Variants in AP4S1 observed in about 807,000 individuals in gnomAD.
The protein encoded by AP4S1 is adaptor related protein complex 4 subunit sigma 1.
In AP4S1, 23 loss-of-function variants were observed where a neutral mutation model predicts 19.8. That is an observed-to-expected ratio of 1.16 (90% CI 0.84 to 1.65). The LOEUF is 1.65. AP4S1 is among the 40% of genes most tolerant of loss of function. The pLI, the probability that AP4S1 is intolerant of heterozygous loss-of-function variation, is 0.00. For missense variants in AP4S1, 166 were observed against 172.8 expected, an observed-to-expected ratio of 0.96 and a Z score of 0.22; for synonymous variants, 46 against 54.1, an observed-to-expected ratio of 0.85 and a Z score of 0.66.
intron 1 of AP4S1, among the ~76,000 whole-genome samples, chr14:31,045,082 A>G (rs1885317880): frequency 1.3e-5 from 2 of 151,604 alleles, no homozygotes; most frequent in Admixed American, 6.6e-5. Flanking sequence ...TTGTATTTTT[A>G]GTAGAGACGG....
intron 1 of AP4S1, among the ~76,000 whole-genome samples, chr14:31,045,231 A>T (rs1040452179): frequency 2.6e-5 from 4 of 152,152 alleles, no homozygotes; most frequent in Non-Finnish European, 5.9e-5. Context: ...AAACAACTTT[A>T]GGTATAATGT....
chr14:31,080,848 C>T (rs1022563948), intron 5 of AP4S1, among the ~76,000 whole-genome samples: 1 of 152,116 alleles, frequency 6.6e-6, no homozygotes, highest in African/African-American at 2.4e-5. Flanking sequence ...ATGGTGTAAT[C>T]TCTGCTCACT....
chr14:31,063,345 G>A lies in AP4S1; in HGVS notation c.-71-2781G>A, dbSNP rs554044095. The stretch of plus-strand genomic sequence containing the variant: ...CTCAGGAGGTCGAGGCTGGAGAATC[G>A]CTTGAACCCAGGAGGCAGAGGTTGC... On this transcript the variant is annotated intron_variant, in intron 1 of 5. Coordinates refer to ENST00000542754, the MANE Select transcript of AP4S1 (RefSeq NM_001128126.3). Among the ~76,000 whole-genome samples the A allele has an allele frequency of 1.7e-3, 252 of 152,164 alleles. 2 individuals are homozygous for A. The highest frequency in any genetic ancestry group is 5.9e-3 in the African/African-American group (244 of 41,522).
intron 1 of AP4S1, chr14:31,026,176 G>C (rs1319816204): frequency 6.8e-7 from 1 of 1,478,292 alleles, no homozygotes; most frequent in Non-Finnish European, 8.9e-7. Context: ...CCTCCGGCAA[G>C]CTCGTCCATT....
chr14:31,026,305 G>A, intron 1 of AP4S1: 1 of 1,126,396 alleles, frequency 8.9e-7, no homozygotes, highest in Non-Finnish European at 1.2e-6. Flanking sequence ...GCGGGGAAGG[G>A]GTCGTTGCTG....
intron 1 of AP4S1, among the ~76,000 whole-genome samples, chr14:31,034,468 T>G (rs7142931): frequency 0.23 from 35,602 of 151,894 alleles, 4,410 homozygotes; most frequent in Non-Finnish European, 0.26. Flanking sequence ...AGACTTTTTT[T>G]GGGGGGGAAA....
At chr14:31,087,631 A>G (rs1309587378) in intron 5 of AP4S1, among the ~76,000 whole-genome samples, 1 of 152,234 alleles carries the variant, frequency 6.6e-6, no homozygotes, top group Non-Finnish European at 1.5e-5. Context: ...TTGGGATTAC[A>G]GGTGTGAGCC....
intron 1 of AP4S1, among the ~76,000 whole-genome samples, chr14:31,060,712 T>C (rs1205672905): frequency 1.3e-5 from 2 of 152,206 alleles, no homozygotes; most frequent in African/African-American, 4.8e-5. Context: ...TATTGTGGTG[T>C]TCCCCAGCCT....
chr14:31,026,225 G>A, intron 1 of AP4S1: 1 of 1,379,512 alleles, frequency 7.2e-7, no homozygotes, highest in East Asian at 3.1e-5. Flanking sequence ...GCGAGACGCC[G>A]ACAGCTGGGG....
At chr14:31,074,326 A>G (rs1352059944) in intron 4 of AP4S1, among the ~76,000 whole-genome samples, 3 of 29,618 alleles carry the variant, frequency 1.0e-4, no homozygotes, top group Admixed American at 6.2e-4. Context: ...CTCCGTCTCA[A>G]ATAAATAAAT....
chr14:31,089,615 T>C (rs1435201827), intron 5 of AP4S1, among the ~76,000 whole-genome samples: 2 of 152,206 alleles, frequency 1.3e-5, no homozygotes, highest in Non-Finnish European at 2.9e-5. Context: ...TTTCCAGAGA[T>C]CAAAATTCCA....
chr14:31,041,338 G>C (rs11846285), intron 1 of AP4S1, among the ~76,000 whole-genome samples: 135,833 of 151,862 alleles, frequency 0.89, 60,883 homozygotes, highest in South Asian at 0.93. Flanking sequence ...TTAGTAGTGA[G>C]GGGGTTTCAC....
intron 3 of AP4S1, among the ~76,000 whole-genome samples, chr14:31,071,523 C>T (rs1010748772): frequency 2.0e-5 from 3 of 152,108 alleles, no homozygotes; most frequent in African/African-American, 7.2e-5. Flanking sequence ...TGGGTTCAAG[C>T]GATTCTCCTG....
chr14:31,034,609 ATTTTTTT>A (rs5807612), intron 1 of AP4S1, among the ~76,000 whole-genome samples: 1 of 103,954 alleles, frequency 9.6e-6, no homozygotes, highest in African/African-American at 3.9e-5. Context: ...TTTGTACTTA[ATTTTTTT>A]TTTTTTTTTT....
In AP4S1 at chr14:31,057,935, T is replaced by G. The variant is rs185431188; in HGVS notation, c.-71-8191T>G. On this transcript the variant is annotated intron_variant, in intron 1 of 5. Coordinates refer to ENST00000542754, the MANE Select transcript of AP4S1 (RefSeq NM_001128126.3). ...GAGCAACTGCACCCAGCCAGTTGTTTTTTTTTTTTTTAGAGATAGGGTCTC... is the reference window on the plus strand; with the variant it reads ...GAGCAACTGCACCCAGCCAGTTGTTGTTTTTTTTTTTAGAGATAGGGTCTC... Among the ~76,000 whole-genome samples the G allele has an allele frequency of 5.7e-3, 863 of 151,462 alleles. 4 individuals are homozygous for G. Among genetic ancestry groups the G allele is most frequent in the Admixed American group, 0.01 (152 of 15,200 alleles).
chr14:31,040,430 A>T (rs1430403932), intron 1 of AP4S1, among the ~76,000 whole-genome samples: 1 of 152,166 alleles, frequency 6.6e-6, no homozygotes, highest in East Asian at 1.9e-4. Context: ...GCTATAGGAA[A>T]CATAGGTAAA....
At chr14:31,074,966 TA>T (rs1390477581) in intron 4 of AP4S1, among the ~76,000 whole-genome samples, 1 of 152,220 alleles carries the variant, frequency 6.6e-6, no homozygotes, top group East Asian at 1.9e-4. Context: ...ATATAATGTA[TA>T]AAAACCAAAT....
At chr14:31,085,811 T>A (rs1887898270) in intron 5 of AP4S1, 2 of 982,216 alleles carry the variant, frequency 2.0e-6, no homozygotes, top group Non-Finnish European at 2.4e-6. Flanking sequence ...CATTCCTGTT[T>A]GTATTTTATA....
At chr14:31,059,381 A>G (rs1020886432) in intron 1 of AP4S1, among the ~76,000 whole-genome samples, 4 of 152,102 alleles carry the variant, frequency 2.6e-5, no homozygotes, top group Non-Finnish European at 5.9e-5. Context: ...CCTTGTTGTA[A>G]CACCTCAGTG....
Sources: gnomAD v4.1 joint callset for allele counts (sites outside exome capture counted in the v4.1 genomes callset) on GRCh38, gnomAD v4.1.1 for gene constraint, MANE v1.5 for transcripts, NCBI Gene and HGNC (gene_info 2026-07-23, HGNC 2026-07-21) for gene names.